Variants in LNX1 observed in about 807,000 individuals in gnomAD.
The protein encoded by LNX1 is ligand of numb-protein X 1.
A neutral mutation model predicts 68.4 loss-of-function variants in LNX1; 54 were observed. The ratio of observed to expected loss-of-function variants is 0.79; its 90% CI spans 0.63 to 0.99. LNX1 has a LOEUF of 0.99. Among genes scored for constraint, LNX1 ranks in the 50% least tolerant of loss-of-function variants. LNX1 has a pLI of 0.00. For missense variants in LNX1, 906 were observed against 926.4 expected (o/e 0.98, Z 0.29); for synonymous variants, 336 against 350.0 (o/e 0.96, Z 0.45).
intron 4 of LNX1, among the ~76,000 whole-genome samples, chr4:53,505,983 C>T (rs779045890): frequency 3.3e-5 from 5 of 152,150 alleles, no homozygotes; most frequent in East Asian, 3.8e-4. Context: ...GCAGCATGTA[C>T]GTGCAGGGTG....
In LNX1 at chr4:53,496,206, G is replaced by A. The variant is rs140094412; in HGVS notation, c.1167C>T (p.Pro389=). 3.1e-5 allele frequency: 50 copies of A among 1,614,090 alleles called. 2 individuals are homozygous for A. The African/African-American group carries it at 4.8e-4, about 15-fold the overall frequency. ...SFHVILNKSS[P]EEQLGIKLVR... ...CCAGTTTTATTCCAAGCTGCTCCTC[G>A]GGGCTACTTTTGTTGAGAATCACAT... The change falls in exon 6 of 11, where the codon CCC becomes CCT. Residue 389 remains proline, a synonymous_variant. Transcript: ENST00000263925.
intron 6 of LNX1, among the ~76,000 whole-genome samples, chr4:53,492,038 C>G (rs1724720973): frequency 6.6e-6 from 1 of 152,080 alleles, no homozygotes; most frequent in South Asian, 2.1e-4. Context: ...CCACCCGCCT[C>G]GGCCTCCCAA....
At chr4:53,614,030 CTTA>C (rs2109851616) in intron 2 of LNX1, among the ~76,000 whole-genome samples, 1 of 152,210 alleles carries the variant, frequency 6.6e-6, no homozygotes, top group African/African-American at 2.4e-5. Flanking sequence ...GAGATGGTAT[CTTA>C]TTGTGGTTTT....
At chr4:53,607,465 C>T (rs141415300) in intron 2 of LNX1, among the ~76,000 whole-genome samples, 55 of 152,180 alleles carry the variant, frequency 3.6e-4, no homozygotes, top group African/African-American at 7.2e-4. Flanking sequence ...TCAGAGATGA[C>T]GCAAACAAAT....
At chr4:53,493,094 C>T (rs28644315) in intron 6 of LNX1, among the ~76,000 whole-genome samples, 18,791 of 152,132 alleles carry the variant, frequency 0.12, 1,230 homozygotes, top group Non-Finnish European at 0.15. Context: ...CTCAGCCTCC[C>T]AAGTAGCTGG....
rs1207038701 is a variant in LNX1, at chr4:53,459,782, G to GT, written c.*1124dup. On this transcript the variant is annotated 3_prime_UTR_variant, in exon 11 of 11. Coordinates refer to ENST00000263925, the MANE Select transcript of LNX1 (RefSeq NM_001126328.3). ...GGTCAAGGGTTCCACTTGGGCCACAGTTTTTTTGTTAATCAAACACCACTC... is the reference window on the plus strand; with the variant it reads ...GGTCAAGGGTTCCACTTGGGCCACAGTTTTTTTTGTTAATCAAACACCACTC... 6.3e-5 allele frequency: 20 copies of GT among 319,166 alleles called. No homozygotes were observed. The highest frequency in any genetic ancestry group is 4.9e-4 in the South Asian group (10 of 20,526). The allele number at this position is 319,166 out of a possible 1,614,324, so 19.8% of individuals were successfully genotyped here.
At chr4:53,614,499 TA>T (rs1184161733) in intron 2 of LNX1, among the ~76,000 whole-genome samples, 3 of 152,200 alleles carry the variant, frequency 2.0e-5, no homozygotes. Flanking sequence ...ATTGGCCTGT[TA>T]GGCAGATTTT....
intron 4 of LNX1, among the ~76,000 whole-genome samples, chr4:53,501,193 T>C (rs1462629821): frequency 6.6e-6 from 1 of 152,116 alleles, no homozygotes; most frequent in Non-Finnish European, 1.5e-5. Context: ...AGCTGAGAGT[T>C]TGTTATATGC....
intron 2 of LNX1, among the ~76,000 whole-genome samples, chr4:53,569,190 A>G (rs1730949630): frequency 6.6e-6 from 1 of 152,174 alleles, no homozygotes. Flanking sequence ...ACCAAAAAAG[A>G]GCCCCCATTG....
intron 9 of LNX1, among the ~76,000 whole-genome samples, chr4:53,462,050 T>C (rs1722179499): frequency 6.6e-6 from 1 of 152,118 alleles, no homozygotes; most frequent in African/African-American, 2.4e-5. Context: ...AATAAATGAA[T>C]TCGTATACTT....
At chr4:53,591,159 A>T (rs1732483370) in intron 1 of LNX1, among the ~76,000 whole-genome samples, 1 of 152,214 alleles carries the variant, frequency 6.6e-6, no homozygotes. Flanking sequence ...TGGATTAATG[A>T]TCAGAGAAAC....
rs1378883797 is a variant in LNX1 at position 53,460,011 on chromosome 4, AAATT to A, written c.*892_*895del. ...CCAAATGGGGTACACTTTCATATCCAAATTAATAAAACCTATAAGGCATCTGGGT... is the reference window on the plus strand; with the variant it reads ...CCAAATGGGGTACACTTTCATATCCAAATAAAACCTATAAGGCATCTGGGT... On this transcript the variant is annotated 3_prime_UTR_variant, in exon 11 of 11. Coordinates refer to ENST00000263925, the MANE Select transcript of LNX1 (RefSeq NM_001126328.3). The A allele has an allele frequency of 4.8e-6, 1 of 208,942 alleles. No individual in the cohort carries two copies. Among genetic ancestry groups the A allele is most frequent in the African/African-American group, 2.3e-5 (1 of 43,730 alleles). The allele number at this position is 208,942 out of a possible 1,614,324, so 12.9% of individuals were successfully genotyped here.
At chr4:53,557,973 G>A in intron 2 of LNX1, 2 of 1,613,546 alleles carry the variant, frequency 1.2e-6, no homozygotes, top group African/African-American at 1.3e-5. Context: ...CATTCTCCGA[G>A]CAGTGTGCTG....
intron 1 of LNX1, among the ~76,000 whole-genome samples, chr4:53,623,767 G>A (rs567650825): frequency 1.8e-4 from 28 of 151,490 alleles, no homozygotes; most frequent in African/African-American, 6.3e-4. Context: ...AACTTGATTA[G>A]GTAGGTCTAT....
chr4:53,540,616 AG>A (rs763824656), intron 2 of LNX1, among the ~76,000 whole-genome samples: 60 of 151,884 alleles, frequency 4.0e-4, no homozygotes, highest in Non-Finnish European at 7.5e-4. Context: ...CAGGAGGGGG[AG>A]GTTGCAGCGA....
chr4:53,490,653 T>C (rs1724618614), intron 6 of LNX1, among the ~76,000 whole-genome samples: 1 of 152,214 alleles, frequency 6.6e-6, no homozygotes, highest in South Asian at 2.1e-4. Flanking sequence ...GGAGAGAACA[T>C]GACCAAAAAA....
At chr4:53,575,680 C>T (rs559103245) in intron 1 of LNX1, 5 of 1,389,974 alleles carry the variant, frequency 3.6e-6, no homozygotes, top group South Asian at 2.2e-5. Context: ...GGACCCACCC[C>T]CTGGGCTGGC....
chr4:53,540,568 G>A (rs939600055), intron 2 of LNX1, among the ~76,000 whole-genome samples: 2 of 151,938 alleles, frequency 1.3e-5, no homozygotes, highest in Non-Finnish European at 2.9e-5. Flanking sequence ...TGTAATCCCA[G>A]CTACTCGGGA....
upstream of LNX1, among the ~76,000 whole-genome samples, chr4:53,622,150 A>G (rs1733905025): frequency 6.6e-6 from 1 of 152,188 alleles, no homozygotes; most frequent in Non-Finnish European, 1.5e-5. Context: ...ATGATTTATC[A>G]TATATTTAGT....
Sources: allele counts gnomAD v4.1 joint callset (sites outside exome capture counted in the v4.1 genomes callset), GRCh38; gene constraint gnomAD v4.1.1; transcripts MANE v1.5; gene names NCBI Gene and HGNC (gene_info 2026-07-23, HGNC 2026-07-21).